The following FBXO28 variants were observed in gnomAD, a reference collection of about 807,000 sequenced individuals.
FBXO28 encodes the protein F-box protein 28.
Under a neutral mutation model 38.1 loss-of-function variants are expected in FBXO28, and 8 were observed. The observed-to-expected ratio is 0.21, with a 90% CI of 0.12 to 0.38. FBXO28 has a LOEUF of 0.38. Ranked by LOEUF, FBXO28 falls within the 10% of genes least tolerant of loss-of-function variation. FBXO28 has a pLI of 1.00. For synonymous variants in FBXO28, 168 were observed against 173.8 expected, an observed-to-expected ratio of 0.97 and a Z score of 0.26; for missense variants, 345 against 460.6, an observed-to-expected ratio of 0.75 and a Z score of 2.30.
chr1:224,143,642 G>A (rs1244812909), intron 3 of FBXO28, among the ~76,000 whole-genome samples: 1 of 151,984 alleles, frequency 6.6e-6, no homozygotes, highest in East Asian at 1.9e-4. Flanking sequence ...AGCTAACACG[G>A]TAAAACCCCA....
intron 3 of FBXO28, among the ~76,000 whole-genome samples, chr1:224,141,917 C>G (rs1006491798): frequency 6.8e-6 from 1 of 147,362 alleles, no homozygotes; most frequent in African/African-American, 2.5e-5. Flanking sequence ...GATACTGGGT[C>G]TTGCTGAATC....
intron 2 of FBXO28, among the ~76,000 whole-genome samples, chr1:224,133,171 G>GATCCAGAGAAACAGAAAGT (rs1426680962): frequency 6.6e-6 from 1 of 152,194 alleles, no homozygotes; most frequent in Non-Finnish European, 1.5e-5. Context: ...AGAATAGGTG[G>GATCCAGAGAAACAGAAAGT]ATCCAGAGAA....
At chr1:224,143,114 A>G (rs1457907918) in intron 3 of FBXO28, among the ~76,000 whole-genome samples, 1 of 149,964 alleles carries the variant, frequency 6.7e-6, no homozygotes, top group African/African-American at 2.5e-5. Flanking sequence ...ATAAATACAT[A>G]TATTAGCCGG....
chr1:224,140,532 C>T (rs762927685), intron 3 of FBXO28, among the ~76,000 whole-genome samples: 30 of 151,864 alleles, frequency 2.0e-4, no homozygotes, highest in Non-Finnish European at 3.5e-4. Context: ...TTTAATGTGG[C>T]GATACTCTTA....
intron 3 of FBXO28, among the ~76,000 whole-genome samples, chr1:224,151,992 G>A (rs1051297663): frequency 5.9e-5 from 9 of 151,570 alleles, no homozygotes; most frequent in Admixed American, 2.6e-4. Context: ...CAGTGAGCCA[G>A]GATTGTGCCA....
intron 1 of FBXO28, among the ~76,000 whole-genome samples, chr1:224,127,651 A>T (rs893001481): frequency 5.3e-5 from 8 of 152,208 alleles, no homozygotes; most frequent in African/African-American, 1.9e-4. Context: ...GCTCACCTGT[A>T]ATCCCTGCAC....
At chr1:224,134,291 G>A in intron 3 of FBXO28, 79 bp downstream of exon 3, 1 of 1,398,250 alleles carries the variant, frequency 7.2e-7, no homozygotes, top group South Asian at 1.3e-5. Context: ...TCTGATTTTA[G>A]AAATGTTAGA....
chr1:224,148,311 T>TA (rs1324625109), intron 3 of FBXO28, among the ~76,000 whole-genome samples: 1 of 152,228 alleles, frequency 6.6e-6, no homozygotes, highest in African/African-American at 2.4e-5. Context: ...TAATGAAAGT[T>TA]ATTCTGAAGA....
intron 1 of FBXO28, among the ~76,000 whole-genome samples, chr1:224,125,934 T>C (rs547716402): frequency 6.6e-6 from 1 of 152,306 alleles, no homozygotes; most frequent in Non-Finnish European, 1.5e-5. Context: ...CGGCCATTCA[T>C]TCTCTTTTTA....
chr1:224,155,001 T>A (rs192490910), intron 4 of FBXO28, among the ~76,000 whole-genome samples: 12 of 151,606 alleles, frequency 7.9e-5, no homozygotes, highest in African/African-American at 2.9e-4. Flanking sequence ...AATCATTAAG[T>A]TAAACCATTG....
chr1:224,127,694 G>A (rs931553727), intron 1 of FBXO28, among the ~76,000 whole-genome samples: 2 of 152,142 alleles, frequency 1.3e-5, no homozygotes, highest in African/African-American at 4.8e-5. Context: ...ATCACCTGAG[G>A]CCAGGAGTTC....
chr1:224,156,807 G>A (rs1323979937), intron 4 of FBXO28, among the ~76,000 whole-genome samples: 3 of 152,122 alleles, frequency 2.0e-5, no homozygotes, highest in Admixed American at 2.0e-4. Context: ...ACACCATCCT[G>A]GCTAACATGG....
rs754071147 is a variant in FBXO28, at chr1:224,157,352, T to C, written c.713T>C (p.Val238Ala). The C allele has an allele frequency of 6.2e-7, 1 of 1,603,030 alleles. No homozygotes were observed. The highest frequency in any genetic ancestry group is 1.1e-5 in the South Asian group (1 of 89,850). Residue 238 changes from valine to alanine, a missense_variant and splice_region_variant, in exon 5 of 5, where the codon GTT (valine) becomes GCT (alanine). By Grantham distance (64) the Val-to-Ala change is moderately conservative. Coordinates refer to ENST00000366862, the MANE Select transcript of FBXO28 (RefSeq NM_015176.4). ...VSGRLMGSPP[V>A]PGPSAALTTM... ...ACCCTTTTGAATTATTCCTCCACAG[T>C]TCCAGGACCGTCTGCAGCCCTAACA...
intron 1 of FBXO28, among the ~76,000 whole-genome samples, chr1:224,124,902 A>G (rs1487513911): frequency 6.6e-6 from 1 of 151,710 alleles, no homozygotes; most frequent in Non-Finnish European, 1.5e-5. Context: ...AAATTTTTGT[A>G]TTTTTAGTAG....
intron 3 of FBXO28, among the ~76,000 whole-genome samples, chr1:224,137,154 T>G (rs1438209479): frequency 3.3e-5 from 5 of 151,906 alleles, no homozygotes. Flanking sequence ...TTTTATTCAC[T>G]TAAGTGAATC....
At chr1:224,154,828 A>AG (rs1657735913) in intron 4 of FBXO28, among the ~76,000 whole-genome samples, 1 of 150,314 alleles carries the variant, frequency 6.7e-6, no homozygotes, top group Non-Finnish European at 1.5e-5. Flanking sequence ...AAAAAAAAAA[A>AG]TTAGCCAAGC....
At chr1:224,120,764 G>A (rs528544071) in intron 1 of FBXO28, among the ~76,000 whole-genome samples, 15 of 151,894 alleles carry the variant, frequency 9.9e-5, no homozygotes, top group African/African-American at 3.6e-4. Flanking sequence ...TCAGGAGGCT[G>A]AGGCAGGAGA....
intron 4 of FBXO28, among the ~76,000 whole-genome samples, chr1:224,156,739 C>G (rs1247589446): frequency 2.6e-5 from 4 of 152,184 alleles, no homozygotes; most frequent in Non-Finnish European, 4.4e-5. Flanking sequence ...GTGGCTCACG[C>G]CTGTAATCCC....
At chr1:224,130,681 T>G (rs751955671) in intron 2 of FBXO28, 100 bp downstream of exon 2, 54 of 715,266 alleles carry the variant, frequency 7.5e-5, no homozygotes, top group Non-Finnish European at 1.2e-4. Context: ...TTCCCAAGTT[T>G]TTATAGCAAA....
Sources: gnomAD v4.1 joint callset for allele counts (sites outside exome capture counted in the v4.1 genomes callset) on GRCh38, gnomAD v4.1.1 for gene constraint, MANE v1.5 for transcripts, NCBI Gene and HGNC (gene_info 2026-07-23, HGNC 2026-07-21) for gene names.